The following MAST4 variants were observed in gnomAD, a reference collection of about 807,000 sequenced individuals.
MAST4 encodes microtubule-associated serine/threonine-protein kinase 4.
A neutral mutation model predicts 162.7 loss-of-function variants in MAST4; 89 were observed. The observed-to-expected ratio is 0.55, with a 90% CI of 0.46 to 0.65. The LOEUF (loss-of-function observed/expected upper bound fraction) is 0.65. Among genes scored for constraint, MAST4 ranks in the 30% least tolerant of loss-of-function variants. MAST4 has a pLI of 0.00. For missense variants in MAST4, 3,153 were observed against 3,374.0 expected (o/e 0.93, Z 1.62); for synonymous variants, 1,479 against 1,361.1 (o/e 1.09, Z -1.91).
At chr5:67,120,961 T>A (rs989229063) in intron 13 of MAST4, 56 bp from the exon 14 acceptor site, 8 of 1,231,418 alleles carry the variant, frequency 6.5e-6, no homozygotes, top group Middle Eastern at 1.9e-4. Context: ...ATTTTGCTGA[T>A]AAAATAATTT....
At chr5:67,109,832 A>G (rs554864752) in intron 10 of MAST4, among the ~76,000 whole-genome samples, 8 of 152,322 alleles carry the variant, frequency 5.3e-5, no homozygotes, top group African/African-American at 1.9e-4. Flanking sequence ...CATGGTTCAC[A>G]TCAAGCGCCC....
At chr5:66,838,046 T>C (rs1758152121) in intron 3 of MAST4, among the ~76,000 whole-genome samples, 1 of 151,700 alleles carries the variant, frequency 6.6e-6, no homozygotes, top group Non-Finnish European at 1.5e-5. Context: ...ATTATCATAG[T>C]GGGGTAGCTG....
intron 4 of MAST4, among the ~76,000 whole-genome samples, chr5:66,907,158 C>CAAGAGAGAGAGAGAGAGAGAGA: frequency 9.6e-6 from 1 of 104,262 alleles, no homozygotes; most frequent in Non-Finnish European, 1.9e-5. Context: ...CTCAGCAAAG[C>CAAGAGAGAGAGAGAGAGAGAGA]GAGAGAGAGA....
At chr5:67,029,121 G>A (rs1281513544) in intron 4 of MAST4, among the ~76,000 whole-genome samples, 3 of 148,874 alleles carry the variant, frequency 2.0e-5, no homozygotes, top group Admixed American at 6.7e-5. Context: ...GCGACAGCAC[G>A]AGACACTCTC....
chr5:67,049,006 C>CAG (rs1757725293), intron 4 of MAST4, among the ~76,000 whole-genome samples: 1 of 120,728 alleles, frequency 8.3e-6, no homozygotes, highest in South Asian at 2.4e-4. Flanking sequence ...TATATACACA[C>CAG]ACATATATAT....
At chr5:66,656,823 AT>A (rs1240952568) in intron 1 of MAST4, among the ~76,000 whole-genome samples, 1 of 152,182 alleles carries the variant, frequency 6.6e-6, no homozygotes, top group Non-Finnish European at 1.5e-5. Flanking sequence ...ACTAAGTGAA[AT>A]GTTTTTCTTC....
At chr5:66,915,689 G>A (rs750952947) in intron 4 of MAST4, among the ~76,000 whole-genome samples, 1 of 152,164 alleles carries the variant, frequency 6.6e-6, no homozygotes, top group Non-Finnish European at 1.5e-5. Flanking sequence ...GCACGCGGGC[G>A]CTGGTCCCGA....
chr5:66,771,508 G>A (rs956027918), intron 2 of MAST4, among the ~76,000 whole-genome samples: 1 of 151,996 alleles, frequency 6.6e-6, no homozygotes, highest in Non-Finnish European at 1.5e-5. Context: ...TATTTCTATC[G>A]GGAGGCTCTG....
chr5:67,120,996 C>T (rs1767506250), intron 13 of MAST4, 21 bp from the exon 14 acceptor site: 1 of 1,555,358 alleles, frequency 6.4e-7, no homozygotes, highest in South Asian at 1.2e-5. Flanking sequence ...TACTTTTTAA[C>T]TTCCATATTT....
At chr5:67,076,292 T>C (rs1761632450) in intron 5 of MAST4, among the ~76,000 whole-genome samples, 1 of 152,196 alleles carries the variant, frequency 6.6e-6, no homozygotes, top group African/African-American at 2.4e-5. Context: ...CACTTAATTG[T>C]GGCATAAACT....
chr5:67,132,809 G>T (rs1398530094), intron 16 of MAST4, among the ~76,000 whole-genome samples: 1 of 151,950 alleles, frequency 6.6e-6, no homozygotes, highest in African/African-American at 2.4e-5. Flanking sequence ...TTTGAAAAAT[G>T]CAGGGGAAAA....
chr5:66,746,908 T>C (rs1248477496), intron 1 of MAST4, among the ~76,000 whole-genome samples: 1 of 152,246 alleles, frequency 6.6e-6, no homozygotes, highest in African/African-American at 2.4e-5. Flanking sequence ...TTGAAAACTA[T>C]GCACAAAGTG....
chr5:66,792,236 G>A (rs1348513929), intron 3 of MAST4: 1 of 167,768 alleles, frequency 6.0e-6, no homozygotes, highest in Non-Finnish European at 1.5e-5. Flanking sequence ...GAGGTGCGTT[G>A]TGCAGTAGAA....
At chr5:67,038,388 T>A (rs1208117768) in intron 4 of MAST4, among the ~76,000 whole-genome samples, 1 of 152,170 alleles carries the variant, frequency 6.6e-6, no homozygotes, top group African/African-American at 2.4e-5. Context: ...TCCCTAGACT[T>A]CCTGATTACA....
At chr5:67,120,369 A>G (rs1767427429) in intron 13 of MAST4, among the ~76,000 whole-genome samples, 1 of 152,232 alleles carries the variant, frequency 6.6e-6, no homozygotes, top group South Asian at 2.1e-4. Flanking sequence ...GAGGGGAGCA[A>G]AGAGCTGGTA....
In MAST4 at chr5:66,829,482, A is replaced by T. The variant is rs1309229484; in HGVS notation, c.642+40688A>T. Among the ~76,000 whole-genome samples the T allele has an allele frequency of 2.6e-5, 4 of 152,200 alleles. No homozygotes were observed. The East Asian group carries it at 7.7e-4, about 29-fold the overall frequency. ...GAAATTACTCTGACTTTATTGTACA[A>T]ATACATTCTGAGTTAAAACTTGGCA... On this transcript the variant is annotated intron_variant, in intron 3 of 28. Transcript: ENST00000403625.
chr5:66,806,210 C>A (rs1401609434), intron 3 of MAST4, among the ~76,000 whole-genome samples: 1 of 152,170 alleles, frequency 6.6e-6, no homozygotes, highest in African/African-American at 2.4e-5. Flanking sequence ...AGGAATAATT[C>A]CCCTCATCCA....
At chr5:66,964,244 A>G (rs532298183) in intron 4 of MAST4, among the ~76,000 whole-genome samples, 2 of 152,316 alleles carry the variant, frequency 1.3e-5, no homozygotes, top group South Asian at 2.1e-4. Context: ...ACTCCAAGGT[A>G]TATACTCCTA....
At chr5:67,025,224 A>G (rs1430154571) in intron 4 of MAST4, among the ~76,000 whole-genome samples, 1 of 152,178 alleles carries the variant, frequency 6.6e-6, no homozygotes, top group Non-Finnish European at 1.5e-5. Flanking sequence ...ACACATTAAA[A>G]TATTTGTGAT....
Sources: gnomAD v4.1 joint callset for allele counts (sites outside exome capture counted in the v4.1 genomes callset) on GRCh38, gnomAD v4.1.1 for gene constraint, MANE v1.5 for transcripts, NCBI Gene and HGNC (gene_info 2026-07-23, HGNC 2026-07-21) for gene names.